GRB10: variants seen among roughly 807,000 people sequenced by gnomAD.
The protein encoded by GRB10 is growth factor receptor-bound protein 10.
In GRB10, 20 loss-of-function variants were observed where a neutral mutation model predicts 80.9. The observed-to-expected ratio is 0.25, with a 90% CI of 0.17 to 0.36. The LOEUF (loss-of-function observed/expected upper bound fraction) is 0.36, where lower values mean the gene tolerates loss of function less well. GRB10 is among the 10% of genes least tolerant of loss of function. The pLI is 1.00. For missense variants in GRB10, 548 were observed against 747.7 expected (o/e 0.73, Z 3.12); for synonymous variants, 291 against 291.5 (o/e 1.00, Z 0.02).
intron 3 of GRB10, among the ~76,000 whole-genome samples, chr7:50,743,356 G>A (rs527980723): frequency 8.9e-4 from 135 of 152,340 alleles, no homozygotes; most frequent in Middle Eastern, 3.4e-3. Flanking sequence ...TCAGCCTCCC[G>A]ACAGAAAAGA....
intron 5 of GRB10, among the ~76,000 whole-genome samples, chr7:50,696,268 A>G (rs1021848069): frequency 6.6e-6 from 1 of 152,230 alleles, no homozygotes; most frequent in African/African-American, 2.4e-5. Flanking sequence ...ACCGCCTTCC[A>G]GAATTAGACC....
At chr7:50,786,225 G>C (rs1468304667), upstream of GRB10, among the ~76,000 whole-genome samples, 2 of 152,018 alleles carry the variant, frequency 1.3e-5, no homozygotes, top group African/African-American at 2.4e-5. Context: ...CAGACTATTA[G>C]ATAAAAAATA....
chr7:50,764,015 G>C (rs2076064793), intron 2 of GRB10, among the ~76,000 whole-genome samples: 1 of 152,244 alleles, frequency 6.6e-6, no homozygotes, highest in Non-Finnish European at 1.5e-5. Flanking sequence ...GCTGTCCCAT[G>C]CTGGAGTCAC....
intron 1 of GRB10, among the ~76,000 whole-genome samples, chr7:50,792,065 A>G (rs1246232216): frequency 6.6e-6 from 1 of 152,150 alleles, no homozygotes; most frequent in Non-Finnish European, 1.5e-5. Flanking sequence ...TCTTGGTAAA[A>G]CTGCTTGAAA....
intron 4 of GRB10, among the ~76,000 whole-genome samples, chr7:50,709,960 T>C (rs2065642881): frequency 6.6e-6 from 1 of 152,078 alleles, no homozygotes; most frequent in Non-Finnish European, 1.5e-5. Context: ...CTGGTGTTCC[T>C]TGACTCCAAA....
chr7:50,618,286 T>C (rs1469110052), intron 9 of GRB10, 147 bp from the exon 10 acceptor site: 3 of 696,234 alleles, frequency 4.3e-6, no homozygotes, highest in Non-Finnish European at 7.6e-6. Flanking sequence ...TTTATTCTCC[T>C]ATCACACAGA....
In GRB10 at chr7:50,676,084, AT is replaced by A. The variant is rs1390813323; in HGVS notation, c.140-1427del. 2.6e-5 allele frequency among the ~76,000 whole-genome samples: 4 copies of A among 152,204 alleles called. No homozygotes were observed. In the East Asian group the frequency reaches 5.8e-4, roughly 22 times the overall value. On this transcript the variant is annotated intron_variant, in intron 5 of 18. Coordinates refer to ENST00000401949, the MANE Select transcript of GRB10 (RefSeq NM_001350814.2). ...ATGGCAAATAATGATGGAAGCTCAC[AT>A]AATTCGTCCTCTCTTCTGCTCCCAG... is the stretch of plus-strand genomic sequence containing the variant.
chr7:50,736,520 T>C (rs1168514998), intron 3 of GRB10, among the ~76,000 whole-genome samples: 1 of 152,220 alleles, frequency 6.6e-6, no homozygotes, highest in Non-Finnish European at 1.5e-5. Context: ...GGGCTGAGTA[T>C]GGTGGCTCAC....
At chr7:50,681,913 T>C (rs758430953) in intron 5 of GRB10, among the ~76,000 whole-genome samples, 2 of 152,182 alleles carry the variant, frequency 1.3e-5, no homozygotes, top group Non-Finnish European at 2.9e-5. Flanking sequence ...CCTAATAGAA[T>C]TTCTGACTCT....
chr7:50,595,828 T>C (rs1289814073), intron 17 of GRB10: 1 of 331,298 alleles, frequency 3.0e-6, no homozygotes, highest in Non-Finnish European at 5.7e-6. Context: ...AAGGATTATT[T>C]TGTGCCTGCA....
intron 4 of GRB10, among the ~76,000 whole-genome samples, chr7:50,728,357 T>C (rs1587570759): frequency 6.6e-6 from 1 of 152,118 alleles, no homozygotes; most frequent in African/African-American, 2.4e-5. Flanking sequence ...TCGGAGATGA[T>C]GTCATCTTTC....
At chr7:50,634,209 A>C (rs1384982637) in intron 7 of GRB10, among the ~76,000 whole-genome samples, 4 of 152,238 alleles carry the variant, frequency 2.6e-5, no homozygotes, top group Non-Finnish European at 5.9e-5. Flanking sequence ...AAACCTTACA[A>C]GTCAGAAGAG....
At chr7:50,739,319 T>G (rs879301677) in intron 3 of GRB10, among the ~76,000 whole-genome samples, 33 of 152,244 alleles carry the variant, frequency 2.2e-4, no homozygotes, top group Admixed American at 1.6e-3. Context: ...AACTCTAGAG[T>G]CTAGCAGACT....
chr7:50,695,478 G>A (rs2063323243), intron 5 of GRB10, among the ~76,000 whole-genome samples: 2 of 10,072 alleles, frequency 2.0e-4, no homozygotes, highest in Non-Finnish European at 8.5e-4. Flanking sequence ...TTCTTAAGCA[G>A]GGGCAAAGAA....
chr7:50,649,089 G>A (rs537892416), intron 7 of GRB10, among the ~76,000 whole-genome samples: 1 of 152,070 alleles, frequency 6.6e-6, no homozygotes, highest in East Asian at 1.9e-4. Flanking sequence ...TAAAAACAAG[G>A]CCATCGTCCT....
At chr7:50,743,445 T>C (rs3800999) in intron 3 of GRB10, among the ~76,000 whole-genome samples, 133,397 of 152,302 alleles carry the variant, frequency 0.88, 58,486 homozygotes, top group East Asian at 0.96. Context: ...GATCACGCAG[T>C]GCTGCGAAGC....
intron 4 of GRB10, among the ~76,000 whole-genome samples, chr7:50,731,671 G>A (rs1467422829): frequency 6.6e-6 from 1 of 152,246 alleles, no homozygotes; most frequent in Non-Finnish European, 1.5e-5. Flanking sequence ...GGAACTTGCA[G>A]ATGAAACTGT....
At chr7:50,703,000 C>T (rs1164553876) in intron 5 of GRB10, among the ~76,000 whole-genome samples, 1 of 152,290 alleles carries the variant, frequency 6.6e-6, no homozygotes, top group East Asian at 1.9e-4. Flanking sequence ...CAAATTGGTA[C>T]CCTTTCCCCG....
chr7:50,781,612 G>A (rs1321361701), intron 1 of GRB10: 1 of 152,358 alleles, frequency 6.6e-6, no homozygotes, highest in Non-Finnish European at 1.5e-5. Context: ...AGTCTCCCCC[G>A]CCCATAGCCA....
Sources: gnomAD v4.1 joint callset for allele counts (sites outside exome capture counted in the v4.1 genomes callset) on GRCh38, gnomAD v4.1.1 for gene constraint, MANE v1.5 for transcripts, NCBI Gene and HGNC (gene_info 2026-07-23, HGNC 2026-07-21) for gene names.